The following GMDS variants were observed in gnomAD, a reference collection of about 807,000 sequenced individuals.
GMDS encodes GDP-mannose 4,6-dehydratase.
GMDS carries 20 observed loss-of-function variants against 49.9 expected under a neutral mutation model. The observed-to-expected ratio is 0.40, with a 90% CI of 0.28 to 0.58. GMDS has a LOEUF of 0.58. Among genes scored for constraint, GMDS ranks in the 20% least tolerant of loss-of-function variants. The pLI is 0.42. For missense variants in GMDS, 362 were observed against 481.4 expected, an observed-to-expected ratio of 0.75 and a Z score of 2.32; for synonymous variants, 177 against 178.6, an observed-to-expected ratio of 0.99 and a Z score of 0.07.
intron 1 of GMDS, among the ~76,000 whole-genome samples, chr6:2,153,962 T>C (rs1053202346): frequency 2.0e-5 from 3 of 152,280 alleles, no homozygotes; most frequent in East Asian, 1.9e-4. Flanking sequence ...AGGGAAGATA[T>C]AGCACTAGGG....
intron 4 of GMDS, among the ~76,000 whole-genome samples, chr6:1,988,915 C>A (rs1424248913): frequency 6.6e-6 from 1 of 151,756 alleles, no homozygotes. Flanking sequence ...GCAAGCTGCA[C>A]TTGTCAAGAG....
At chr6:1,899,221 T>C (rs979072472) in intron 7 of GMDS, among the ~76,000 whole-genome samples, 10 of 152,194 alleles carry the variant, frequency 6.6e-5, no homozygotes, top group African/African-American at 2.4e-4. Context: ...TAGTCATTTA[T>C]GGTGTTATTT....
intron 1 of GMDS, among the ~76,000 whole-genome samples, chr6:2,222,443 C>G (rs1417642433): frequency 1.3e-5 from 2 of 152,178 alleles, no homozygotes; most frequent in Non-Finnish European, 2.9e-5. Flanking sequence ...TCCATTCATT[C>G]GGTGCCTCAT....
rs1244693027 is a variant in GMDS at position 1,784,605 on chromosome 6, GGAGATGGATGGTA to G, written c.772-42032_772-42020del. 2.6e-5 allele frequency among the ~76,000 whole-genome samples: 4 copies of G among 152,196 alleles called. No homozygotes were observed. In the South Asian group the frequency reaches 6.2e-4, roughly 24 times the overall value. ...ATAAAACAAATCTGGAGACATCTGG[GGAGATGGATGGTA>G]GAGAAACTTTTGGACTTACTGCTCT... is the stretch of plus-strand genomic sequence containing the variant. On this transcript the variant is annotated intron_variant, in intron 7 of 10. Transcript: ENST00000380815.
chr6:1,761,195 T>C (rs539891292), intron 7 of GMDS, among the ~76,000 whole-genome samples: 1 of 152,280 alleles, frequency 6.6e-6, no homozygotes, highest in Non-Finnish European at 1.5e-5. Context: ...TTCAATTATT[T>C]TAAAAACACA....
chr6:1,648,037 T>G (rs1446566138), intron 9 of GMDS, among the ~76,000 whole-genome samples: 1 of 152,194 alleles, frequency 6.6e-6, no homozygotes, highest in African/African-American at 2.4e-5. Context: ...TCTTGTTCAT[T>G]AGCCACCCTG....
intron 4 of GMDS, among the ~76,000 whole-genome samples, chr6:2,109,469 G>A (rs746710651): frequency 1.3e-5 from 2 of 152,202 alleles, no homozygotes; most frequent in Non-Finnish European, 2.9e-5. Flanking sequence ...AGGAAACACA[G>A]CCTAAGGCAG....
intron 1 of GMDS, among the ~76,000 whole-genome samples, chr6:2,188,025 C>T (rs1434039613): frequency 1.3e-5 from 2 of 152,212 alleles, no homozygotes; most frequent in East Asian, 3.8e-4. Context: ...ATGATTAGCA[C>T]ACTAACCCAG....
At chr6:2,166,928 C>T (rs955971874) in intron 1 of GMDS, among the ~76,000 whole-genome samples, 3 of 152,230 alleles carry the variant, frequency 2.0e-5, no homozygotes, top group African/African-American at 7.2e-5. Flanking sequence ...TAATCCCAGG[C>T]AGCTGAAATA....
intron 4 of GMDS, among the ~76,000 whole-genome samples, chr6:2,009,849 T>C (rs1440169816): frequency 1.3e-5 from 2 of 152,226 alleles, no homozygotes; most frequent in Non-Finnish European, 2.9e-5. Flanking sequence ...CAAAACAGAT[T>C]GCTTATATTT....
At chr6:2,230,021 CT>C (rs1561674844) in intron 1 of GMDS, among the ~76,000 whole-genome samples, 15 of 132,222 alleles carry the variant, frequency 1.1e-4, no homozygotes, top group Non-Finnish European at 2.3e-4. Flanking sequence ...GAAGACCTCC[CT>C]CCAGAGTCCA....
chr6:2,084,464 T>A (rs1338693364), intron 4 of GMDS, among the ~76,000 whole-genome samples: 1 of 152,172 alleles, frequency 6.6e-6, no homozygotes, highest in African/African-American at 2.4e-5. Context: ...TTACCCTTCA[T>A]TTCACAGCAA....
intron 9 of GMDS, among the ~76,000 whole-genome samples, chr6:1,703,061 G>A (rs985940634): frequency 6.6e-6 from 1 of 152,144 alleles, no homozygotes; most frequent in African/African-American, 2.4e-5. Flanking sequence ...AGCACCTTTT[G>A]GGGGAAGGAA....
chr6:1,722,155 C>T (rs984212411), intron 9 of GMDS, among the ~76,000 whole-genome samples: 7 of 148,616 alleles, frequency 4.7e-5, no homozygotes, highest in African/African-American at 1.7e-4. Context: ...CAAGCTCCAC[C>T]TCCCGGGTTC....
intron 9 of GMDS, among the ~76,000 whole-genome samples, chr6:1,680,438 A>G (rs1402303150): frequency 6.6e-6 from 1 of 152,152 alleles, no homozygotes; most frequent in African/African-American, 2.4e-5. Context: ...AGCATTTGCC[A>G]ACATTGCTAG....
At chr6:1,677,054 A>G (rs1384121692) in intron 9 of GMDS, among the ~76,000 whole-genome samples, 1 of 152,244 alleles carries the variant, frequency 6.6e-6, no homozygotes, top group Non-Finnish European at 1.5e-5. Context: ...AATATACAGA[A>G]TCTACAAAGA....
chr6:2,117,603 AAAC>A (rs1774916937), intron 2 of GMDS, 47 bp from the exon 3 acceptor site: 1 of 922,952 alleles, frequency 1.1e-6, no homozygotes, highest in Non-Finnish European at 1.8e-6. Flanking sequence ...GAGGACTAAT[AAAC>A]AACTTCTTTA....
At chr6:2,172,871 T>C (rs142088924) in intron 1 of GMDS, among the ~76,000 whole-genome samples, 365 of 152,298 alleles carry the variant, frequency 2.4e-3, no homozygotes, top group African/African-American at 7.9e-3. Flanking sequence ...TTAGTGGATA[T>C]CAGGCTTTGT....
At chr6:2,137,151 A>G (rs961883337) in intron 1 of GMDS, among the ~76,000 whole-genome samples, 9 of 152,256 alleles carry the variant, frequency 5.9e-5, no homozygotes, top group Non-Finnish European at 1.2e-4. Flanking sequence ...TATAATTAAA[A>G]TCTTCTGCAC....
Sources: allele counts gnomAD v4.1 joint callset (sites outside exome capture counted in the v4.1 genomes callset), GRCh38; gene constraint gnomAD v4.1.1; transcripts MANE v1.5; gene names NCBI Gene and HGNC (gene_info 2026-07-23, HGNC 2026-07-21).